PCDHGA2: variants seen among roughly 807,000 people sequenced by gnomAD.
PCDHGA2 encodes protocadherin gamma subfamily A, 2.
PCDHGA2 carries 40 observed loss-of-function variants against 59.2 expected under a neutral mutation model. The ratio of observed to expected loss-of-function variants is 0.68; its 90% confidence interval spans 0.52 to 0.88. PCDHGA2 has a LOEUF of 0.88. PCDHGA2 is among the 40% of genes least tolerant of loss of function. The pLI is 0.00. For synonymous variants in PCDHGA2, 560 were observed against 526.0 expected (o/e 1.06, Z -0.89); for missense variants, 1,226 against 1,204.0 (o/e 1.02, Z -0.27).
intron 1 of PCDHGA2, among the ~76,000 whole-genome samples, chr5:141,444,162 T>A: frequency 8.4e-6 from 1 of 119,238 alleles, no homozygotes. Flanking sequence ...ATTTTTTTTT[T>A]TTTTTTTTTT....
rs147783721 is a variant in PCDHGA2 at position 141,404,989 on chromosome 5, G to T, written c.2424+63594G>T. ...TCCTGGCTGACCTGGGCAGTCTTCAGATCCCTGCAGACCTGGAGGCCTCAG... is the reference window on the plus strand; with the variant it reads ...TCCTGGCTGACCTGGGCAGTCTTCATATCCCTGCAGACCTGGAGGCCTCAG... On this transcript the variant is annotated intron_variant, in intron 1 of 3. Transcript: ENST00000394576. 1.6e-5 allele frequency: 26 copies of T among 1,614,046 alleles called. No individual in the cohort carries two copies. In the Admixed American group the frequency reaches 4.0e-4, roughly 25 times the overall value.
intron 1 of PCDHGA2, among the ~76,000 whole-genome samples, chr5:141,480,866 G>A (rs1329444129): frequency 6.6e-6 from 1 of 152,142 alleles, no homozygotes; most frequent in Non-Finnish European, 1.5e-5. Flanking sequence ...CCAATATGGT[G>A]AAACCCCGTC....
chr5:141,472,412 G>A (rs1283620276), intron 1 of PCDHGA2, among the ~76,000 whole-genome samples: 8 of 151,940 alleles, frequency 5.3e-5, no homozygotes, highest in Non-Finnish European at 8.8e-5. Context: ...GTGGTGGCAC[G>A]CACCTGTATC....
chr5:141,489,776 C>T lies in PCDHGA2; in HGVS notation c.2425-5031C>T. The T allele has an allele frequency of 6.2e-7, 1 of 1,614,202 alleles. No homozygotes were observed. Among genetic ancestry groups the T allele is most frequent in the Non-Finnish European group, 8.5e-7 (1 of 1,180,020 alleles). On this transcript the variant is annotated intron_variant, in intron 1 of 3. Transcript: ENST00000394576. This position sits in a 1 kb window ranked among gnomAD's most constrained non-coding sequence, Gnocchi z 4.5. ...ACTCTAAGCCCCAACAGCCACTTCT[C>T]TCTGAATGTGAAGACCCTAAAAGAT...
At chr5:141,452,881 T>A (rs1273440996) in intron 1 of PCDHGA2, among the ~76,000 whole-genome samples, 1 of 152,166 alleles carries the variant, frequency 6.6e-6, no homozygotes, top group African/African-American at 2.4e-5. Context: ...TTTGTAATAA[T>A]TTATTCCACT....
intron 1 of PCDHGA2, chr5:141,374,176 C>A: frequency 6.2e-7 from 1 of 1,613,572 alleles, no homozygotes. Context: ...CAGCGCAGAT[C>A]CGCTACTCTA....
At chr5:141,422,997 C>T (rs114907564) in intron 1 of PCDHGA2, 28,679 of 1,614,218 alleles carry the variant, frequency 0.018, 311 homozygotes, top group Non-Finnish European at 0.021. Context: ...ACCTGGTGAC[C>T]AAGGTGGTTG....
chr5:141,366,780 C>A, intron 1 of PCDHGA2: 1 of 1,584,768 alleles, frequency 6.3e-7, no homozygotes, highest in Non-Finnish European at 8.6e-7. Context: ...TAAGGATGAC[C>A]AGAACATTTT....
intron 1 of PCDHGA2, chr5:141,409,361 G>A (rs754448763): frequency 6.2e-7 from 1 of 1,613,964 alleles, no homozygotes; most frequent in Non-Finnish European, 8.5e-7. Flanking sequence ...GTGTAATATA[G>A]AAACAGACAT....
intron 1 of PCDHGA2, chr5:141,414,008 A>G (rs753686379): frequency 4.3e-6 from 7 of 1,613,188 alleles, no homozygotes; most frequent in Middle Eastern, 1.6e-4. Context: ...GAAGGTGCCA[A>G]TGGAGAAGTG....
chr5:141,369,001 A>G (rs974961840), intron 1 of PCDHGA2, among the ~76,000 whole-genome samples: 2 of 152,152 alleles, frequency 1.3e-5, no homozygotes, highest in Non-Finnish European at 2.9e-5. Flanking sequence ...TCGGTGTGGA[A>G]CTCATTGCTT....
rs1379875429 is a variant in PCDHGA2 at position 141,491,125 on chromosome 5, C to T, written c.2425-3682C>T. 3.1e-6 allele frequency: 5 copies of T among 1,614,020 alleles called. No homozygotes were observed. The highest frequency in any genetic ancestry group is 4.2e-6 in the Non-Finnish European group (5 of 1,179,992). ...CGTGTCTACACACACTGGTGAGGTG[C>T]GCACAGCCCGGGCCTTACTGGAGGA... On this transcript the variant is annotated intron_variant, in intron 1 of 3. Coordinates refer to ENST00000394576, the MANE Select transcript of PCDHGA2 (RefSeq NM_018915.4). The surrounding 1 kb of genome is among the most constrained non-coding windows in gnomAD (Gnocchi z 6.9).
intron 1 of PCDHGA2, chr5:141,402,983 G>A (rs748129276): frequency 6.2e-6 from 10 of 1,609,166 alleles, no homozygotes; most frequent in African/African-American, 1.3e-5. Flanking sequence ...CCAGCTCCGC[G>A]GAAGATTAGT....
chr5:141,399,213 T>C (rs2093770836), intron 1 of PCDHGA2: 1 of 1,613,852 alleles, frequency 6.2e-7, no homozygotes, highest in Non-Finnish European at 8.5e-7. Context: ...GAACACTAAT[T>C]GCTTTGATCA....
chr5:141,361,259 ACT>A (rs1761949153), intron 1 of PCDHGA2: 5 of 1,613,700 alleles, frequency 3.1e-6, no homozygotes, highest in African/African-American at 2.7e-5. Context: ...AGAGACAGAG[ACT>A]CTGGAGAAAA....
intron 1 of PCDHGA2, chr5:141,352,714 G>A (rs776520585): frequency 4.5e-6 from 7 of 1,540,548 alleles, no homozygotes; most frequent in Non-Finnish European, 6.1e-6. Flanking sequence ...TGGCGGCCGG[G>A]CGCGGTGGCT....
intron 1 of PCDHGA2, among the ~76,000 whole-genome samples, chr5:141,402,286 C>T (rs2094248272): frequency 6.6e-6 from 1 of 151,638 alleles, no homozygotes; most frequent in Non-Finnish European, 1.5e-5. Flanking sequence ...ATAATCTATC[C>T]TTATATATGT....
intron 1 of PCDHGA2, among the ~76,000 whole-genome samples, chr5:141,425,338 G>A (rs561085111): frequency 6.6e-6 from 1 of 152,290 alleles, no homozygotes; most frequent in African/African-American, 2.4e-5. Flanking sequence ...AAAAGGAAGG[G>A]TTGGCTTTGA....
Position 141,505,427 on chromosome 5 carries a change from A to G in PCDHGA2, c.2518A>G (p.Asn840Asp), listed in dbSNP as rs1453435374. Reference protein sequence around the residue: ...QNGDDTGTWPNNQFDTEMLQA... With the variant: ...QNGDDTGTWPDNQFDTEMLQA... The stretch of plus-strand genomic sequence containing the variant: ...TGGCGATGACACCGGCACCTGGCCC[A>G]ACAACCAGTTTGACACAGAGATGCT... The change falls in exon 3 of 4, where the codon AAC (asparagine) becomes GAC (aspartate). Residue 840 changes from asparagine to aspartate, a missense_variant. Physicochemically the swap from Asn to Asp is conservative, Grantham distance 23 (BLOSUM62 1). Coordinates refer to ENST00000394576, the MANE Select transcript of PCDHGA2 (RefSeq NM_018915.4). 1 of 1,614,230 alleles carries G rather than the reference A, an allele frequency of 6.2e-7. No individual in the cohort carries two copies. Among genetic ancestry groups the G allele is most frequent in the East Asian group, 2.2e-5 (1 of 44,878 alleles).
Sources: allele counts gnomAD v4.1 joint callset (sites outside exome capture counted in the v4.1 genomes callset), GRCh38; gene constraint gnomAD v4.1.1; non-coding constraint Gnocchi (gnomAD v3.1); transcripts MANE v1.5; gene names NCBI Gene and HGNC (gene_info 2026-07-23, HGNC 2026-07-21).